SPACA3: variants seen among roughly 807,000 people sequenced by gnomAD.
SPACA3 encodes the protein sperm acrosome membrane-associated protein 3.
SPACA3 carries 21 observed loss-of-function variants against 24.5 expected under a neutral mutation model. The observed-to-expected ratio is 0.86, with a 90% confidence interval of 0.61 to 1.24. The LOEUF (loss-of-function observed/expected upper bound fraction) is 1.24, where lower values mean the gene tolerates loss of function less well. Ranked by LOEUF, SPACA3 falls within the 50% of genes most tolerant of loss-of-function variation. SPACA3 has a pLI of 0.00. For synonymous variants in SPACA3, 115 were observed against 106.9 expected (o/e 1.08, Z -0.47); for missense variants, 278 against 275.5 (o/e 1.01, Z -0.06).
intron 1 of SPACA3, among the ~76,000 whole-genome samples, chr17:32,992,689 T>C (rs2091696781): frequency 6.6e-6 from 1 of 152,174 alleles, no homozygotes; most frequent in Admixed American, 6.5e-5. Context: ...GATAAGACCC[T>C]TCAAGTATGA....
intron 1 of SPACA3, among the ~76,000 whole-genome samples, chr17:32,993,931 T>A (rs1331665999): frequency 6.6e-6 from 1 of 151,896 alleles, no homozygotes; most frequent in Admixed American, 6.6e-5. Flanking sequence ...TGGGCCTGCA[T>A]GAGATTGGAG....
At chr17:32,997,350 G>A (rs2091728689) in intron 3 of SPACA3, 95 bp from the exon 4 acceptor site, 3 of 895,066 alleles carry the variant, frequency 3.4e-6, no homozygotes, top group Non-Finnish European at 5.3e-6. Context: ...TGTGTAGAGA[G>A]AGAGAGAGAG....
At chr17:32,996,692 G>A (rs2091724008) in intron 2 of SPACA3, 151 bp from the exon 3 acceptor site, 1 of 710,526 alleles carries the variant, frequency 1.4e-6, no homozygotes, top group Non-Finnish European at 1.9e-6. Flanking sequence ...CGATTGATTG[G>A]TTTGCAAAGC....
At chr17:32,992,025 T>C (rs1300084374) in intron 1 of SPACA3, 53 bp downstream of exon 1, 1 of 1,602,212 alleles carries the variant, frequency 6.2e-7, no homozygotes. Context: ...GCTGGGTTGG[T>C]CTGGCCAGAG....
At chr17:32,994,861 C>T (rs971250312) in intron 1 of SPACA3, among the ~76,000 whole-genome samples, 2 of 152,134 alleles carry the variant, frequency 1.3e-5, no homozygotes, top group Non-Finnish European at 2.9e-5. Context: ...GGCTGGGCTT[C>T]CAGGGAGAAG....
chr17:32,997,312 AGTGTGTGT>A (rs376224282), intron 3 of SPACA3, 125 bp from the exon 4 acceptor site: 38 of 511,858 alleles, frequency 7.4e-5, no homozygotes, highest in Non-Finnish European at 1.1e-4. Context: ...AGGCGAGTGG[AGTGTGTGT>A]GTGTGTGTGT....
At chr17:32,992,846 C>T (rs141982288) in intron 1 of SPACA3, 373 of 468,724 alleles carry the variant, frequency 8.0e-4, no homozygotes, top group South Asian at 3.3e-3. Flanking sequence ...CGTGAAGGGC[C>T]GTGTGGACCT....
intron 4 of SPACA3, 60 bp from the exon 5 acceptor site, chr17:32,997,652 G>A: frequency 6.3e-7 from 1 of 1,577,114 alleles, no homozygotes; most frequent in Non-Finnish European, 8.7e-7. Context: ...TTCTTCTCTG[G>A]GCGGTGACTG....
At position 32,997,097 on chromosome 17, in the gene SPACA3, G is replaced by A. The variant is rs2151129126; in HGVS notation, c.502+96G>A. ...GTTTGCTACCCCCATCTCTGAGTGAGGGTTCCCCCACATCAGGCTGGGCCC... is the reference window on the plus strand; with the variant it reads ...GTTTGCTACCCCCATCTCTGAGTGAAGGTTCCCCCACATCAGGCTGGGCCC... On this transcript the variant is annotated intron_variant, in intron 3 of 4. Transcript: ENST00000269053. 3.6e-6 allele frequency: 5 copies of A among 1,389,332 alleles called. No individual in the cohort carries two copies. The Middle Eastern group carries it at 7.4e-4, about 206-fold the overall frequency. 86.1% of individuals were successfully genotyped at this position (1,389,332 alleles called of 1,614,324 possible).
At chr17:32,997,340 TGTGTA>T (rs2091728255) in intron 3 of SPACA3, 100 bp from the exon 4 acceptor site, 1 of 795,008 alleles carries the variant, frequency 1.3e-6, no homozygotes, top group Admixed American at 2.2e-5. Flanking sequence ...TGTGTGTGTG[TGTGTA>T]GAGAGAGAGA....
intron 2 of SPACA3, among the ~76,000 whole-genome samples, chr17:32,996,626 A>G (rs146188306): frequency 1.3e-3 from 205 of 152,304 alleles, no homozygotes; most frequent in Non-Finnish European, 2.3e-3. Context: ...GCCCCAACCC[A>G]TGCTATTTGG....
At chr17:32,992,749 C>A (rs949116848) in intron 1 of SPACA3, 4 of 393,698 alleles carry the variant, frequency 1.0e-5, no homozygotes, top group Non-Finnish European at 2.0e-5. Flanking sequence ...TTCTAGAAAG[C>A]AAGGTCATTG....
At position 32,996,885 on chromosome 17, in the gene SPACA3, C is replaced by T. The variant is rs760183847; in HGVS notation, c.386C>T (p.Ala129Val). The change falls in exon 3 of 5, where the codon GCT becomes GTT. Residue 129 changes from alanine (A) to valine (V), a missense_variant. Transcript: ENST00000269053. ...AYFTSGFNAA[A>V]LDYEADGSTN... ...TTCACAAGCGGTTTCAACGCAGCTGCTTTGGACTACGAGGCTGATGGGAGC... is the reference window on the plus strand; with the variant it reads ...TTCACAAGCGGTTTCAACGCAGCTGTTTTGGACTACGAGGCTGATGGGAGC... 2 of 1,609,592 alleles carry T rather than the reference C, an allele frequency of 1.2e-6. No individual in the cohort carries two copies. Among genetic ancestry groups the T allele is most frequent in the South Asian group, 1.1e-5 (1 of 90,212 alleles).
Position 32,997,871 on chromosome 17 carries a change from AC to A in SPACA3, c.*94del. 2.3e-6 allele frequency: 3 copies of A among 1,312,126 alleles called. No homozygotes were observed. Among genetic ancestry groups the A allele is most frequent in the Non-Finnish European group, 3.3e-6 (3 of 908,730 alleles). The allele number at this position is 1,312,126 out of a possible 1,614,324, so 81.3% of individuals were successfully genotyped here. On this transcript the variant is annotated 3_prime_UTR_variant, in exon 5 of 5. Coordinates refer to ENST00000269053, the MANE Select transcript of SPACA3 (RefSeq NM_173847.5). ...AAGCCAGCGAATAAAGGATGGTTGA[AC>A]GTGAATATGGCTCTCAGCTCTCAGT...
At chr17:32,996,488 C>T (rs1259099250) in intron 2 of SPACA3, among the ~76,000 whole-genome samples, 1 of 103,622 alleles carries the variant, frequency 9.7e-6, no homozygotes. Context: ...GACTCCGTCT[C>T]AAAAAAAAAA....
Position 32,991,847 on chromosome 17 carries a change from A to G in SPACA3, c.-92A>G. ...AGCCTGCCTTCCCCATTGTTCTCTT[A>G]ACACTGGGTGCCTGGGGCCCTGGCA... On this transcript the variant is annotated 5_prime_UTR_variant, in exon 1 of 5. Transcript: ENST00000269053. 6.3e-7 allele frequency: 1 copy of G among 1,576,956 alleles called. No individual in the cohort carries two copies. Among genetic ancestry groups the G allele is most frequent in the Admixed American group, 1.7e-5 (1 of 59,560 alleles).
chr17:32,997,344 T>TGTGTGTAGAG (rs140846693), intron 3 of SPACA3, 101 bp from the exon 4 acceptor site: 6,566 of 602,142 alleles, frequency 0.011, 180 homozygotes, highest in African/African-American at 0.086. Flanking sequence ...TGTGTGTGTG[T>TGTGTGTAGAG]AGAGAGAGAG....
chr17:32,994,171 A>G (rs2091708494), intron 1 of SPACA3, among the ~76,000 whole-genome samples: 1 of 152,108 alleles, frequency 6.6e-6, no homozygotes, highest in African/African-American at 2.4e-5. Flanking sequence ...GAAATGGGAG[A>G]GAGAAGTCTG....
Position 32,991,871 on chromosome 17 carries a change from C to G in SPACA3, c.-68C>G. The G allele has an allele frequency of 6.2e-7, 1 of 1,610,100 alleles. No individual in the cohort carries two copies. Among genetic ancestry groups the G allele is most frequent in the South Asian group, 1.1e-5 (1 of 90,852 alleles). On this transcript the variant is annotated 5_prime_UTR_variant, in exon 1 of 5. Coordinates refer to ENST00000269053, the MANE Select transcript of SPACA3 (RefSeq NM_173847.5). ...TAACACTGGGTGCCTGGGGCCCTGG[C>G]AAGGTTGTGGGGGACATCTTGAGCT...
Sources: allele counts gnomAD v4.1 joint callset (sites outside exome capture counted in the v4.1 genomes callset), GRCh38; gene constraint gnomAD v4.1.1; transcripts MANE v1.5; gene names NCBI Gene and HGNC (gene_info 2026-07-23, HGNC 2026-07-21).